The following GRID1 variants were observed in gnomAD, a reference collection of about 807,000 sequenced individuals.
GRID1 encodes the protein glutamate ionotropic receptor delta type subunit 1.
Under a neutral mutation model 98.0 loss-of-function variants are expected in GRID1, and 28 were observed. That is an observed-to-expected ratio of 0.29 (90% confidence interval 0.21 to 0.39). The LOEUF (loss-of-function observed/expected upper bound fraction) is 0.39, where lower values mean the gene tolerates loss of function less well. GRID1 is among the 10% of genes least tolerant of loss of function. The pLI is 1.00. For synonymous variants in GRID1, 553 were observed against 538.5 expected (o/e 1.03, Z -0.37); for missense variants, 1,111 against 1,340.5 (o/e 0.83, Z 2.67).
intron 8 of GRID1, among the ~76,000 whole-genome samples, chr10:85,740,052 T>G (rs1213619682): frequency 6.6e-6 from 1 of 152,192 alleles, no homozygotes; most frequent in Non-Finnish European, 1.5e-5. Context: ...ATTTTGAAAC[T>G]GCAGTGCAAT....
chr10:86,232,520 C>T (rs978168171), intron 2 of GRID1, among the ~76,000 whole-genome samples: 1 of 152,210 alleles, frequency 6.6e-6, no homozygotes, highest in South Asian at 2.1e-4. Flanking sequence ...GAACCTACCC[C>T]CACCACCACC....
intron 3 of GRID1, among the ~76,000 whole-genome samples, chr10:86,151,281 T>G (rs1453932561): frequency 1.3e-5 from 2 of 152,138 alleles, no homozygotes; most frequent in Non-Finnish European, 2.9e-5. Flanking sequence ...GGCACACACA[T>G]TTCCTCTGAG....
intron 2 of GRID1, among the ~76,000 whole-genome samples, chr10:86,354,569 T>A (rs1848508286): frequency 6.6e-6 from 1 of 152,236 alleles, no homozygotes; most frequent in African/African-American, 2.4e-5. Context: ...CAGGCCCATT[T>A]CACAGATGTT....
chr10:85,973,250 C>T (rs1466095279), intron 4 of GRID1, among the ~76,000 whole-genome samples: 1 of 151,632 alleles, frequency 6.6e-6, no homozygotes, highest in Non-Finnish European at 1.5e-5. Flanking sequence ...TATTTTTTGT[C>T]TTTATAAAGA....
chr10:86,119,846 A>G (rs1022655007), intron 4 of GRID1, among the ~76,000 whole-genome samples: 2 of 152,062 alleles, frequency 1.3e-5, no homozygotes, highest in Non-Finnish European at 2.9e-5. Context: ...GCTGGAGTGC[A>G]GTCGCGCCAT....
intron 12 of GRID1, among the ~76,000 whole-genome samples, chr10:85,660,422 A>G (rs1840952212): frequency 6.6e-6 from 1 of 152,228 alleles, no homozygotes; most frequent in African/African-American, 2.4e-5. Context: ...GTTGTTGGAA[A>G]GTACACAGAT....
intron 4 of GRID1, among the ~76,000 whole-genome samples, chr10:86,065,398 C>T (rs964063572): frequency 6.6e-6 from 1 of 152,370 alleles, no homozygotes; most frequent in Middle Eastern, 3.4e-3. Flanking sequence ...CAAGGCCAAT[C>T]TGTGCCCTCT....
chr10:86,136,190 A>G (rs975268289), intron 4 of GRID1, among the ~76,000 whole-genome samples: 2 of 152,212 alleles, frequency 1.3e-5, no homozygotes, highest in Non-Finnish European at 2.9e-5. Context: ...CAGGGACAGC[A>G]TTCCCAGGTG....
intron 3 of GRID1, among the ~76,000 whole-genome samples, chr10:86,151,080 C>T (rs1845162205): frequency 6.6e-6 from 1 of 152,110 alleles, no homozygotes; most frequent in Non-Finnish European, 1.5e-5. Context: ...CCCATGACAC[C>T]CTCATGTCTT....
chr10:85,749,131 C>A (rs1842023745), intron 8 of GRID1, among the ~76,000 whole-genome samples: 1 of 152,188 alleles, frequency 6.6e-6, no homozygotes, highest in African/African-American at 2.4e-5. Context: ...AGGTGACAGG[C>A]AGTTACTATT....
At chr10:85,934,719 G>A (rs1423739225) in intron 4 of GRID1, among the ~76,000 whole-genome samples, 2 of 152,076 alleles carry the variant, frequency 1.3e-5, no homozygotes, top group African/African-American at 2.4e-5. Context: ...GTATGAAAAG[G>A]GCAAGGAGAA....
intron 8 of GRID1, among the ~76,000 whole-genome samples, chr10:85,822,258 G>A (rs1292222916): frequency 2.0e-5 from 3 of 152,148 alleles, no homozygotes; most frequent in South Asian, 4.1e-4. Context: ...GCAACCTACA[G>A]AATGGGAGAA....
chr10:85,864,263 G>A (rs1843193776), intron 6 of GRID1, among the ~76,000 whole-genome samples: 1 of 152,104 alleles, frequency 6.6e-6, no homozygotes, highest in Non-Finnish European at 1.5e-5. Flanking sequence ...CTGCCAAACT[G>A]CTGCCAGTCC....
chr10:85,667,126 G>A (rs753029362), intron 12 of GRID1, among the ~76,000 whole-genome samples: 9 of 152,146 alleles, frequency 5.9e-5, no homozygotes, highest in East Asian at 1.9e-4. Flanking sequence ...TGAAGACCTC[G>A]CTCTCTGCGG....
chr10:85,840,328 C>T (rs1197533179), intron 8 of GRID1, among the ~76,000 whole-genome samples: 2 of 151,538 alleles, frequency 1.3e-5, no homozygotes, highest in African/African-American at 2.4e-5. Context: ...GACCAATATC[C>T]TTGAACCTCA....
chr10:86,305,233 G>A (rs373761743), intron 2 of GRID1, among the ~76,000 whole-genome samples: 3 of 151,982 alleles, frequency 2.0e-5, no homozygotes. Context: ...TTCGCACTTT[G>A]CCAGAGCCTA....
chr10:85,890,526 A>G (rs971630300), intron 5 of GRID1, among the ~76,000 whole-genome samples: 11 of 152,236 alleles, frequency 7.2e-5, no homozygotes, highest in Non-Finnish European at 1.3e-4. Context: ...CATTCACTGT[A>G]TATACCCACA....
intron 4 of GRID1, among the ~76,000 whole-genome samples, chr10:85,959,066 C>T (rs1162263709): frequency 6.6e-6 from 1 of 152,198 alleles, no homozygotes; most frequent in Non-Finnish European, 1.5e-5. Flanking sequence ...TATTTTCCAA[C>T]CTTCAAACTT....
intron 8 of GRID1, among the ~76,000 whole-genome samples, chr10:85,785,725 A>AACTTT (rs1341039311): frequency 2.6e-5 from 4 of 152,138 alleles, no homozygotes; most frequent in Admixed American, 1.3e-4. Flanking sequence ...GTTTACACCC[A>AACTTT]ACTTTACCAC....
Sources: gnomAD v4.1 joint callset for allele counts (sites outside exome capture counted in the v4.1 genomes callset) on GRCh38, gnomAD v4.1.1 for gene constraint, MANE v1.5 for transcripts, NCBI Gene and HGNC (gene_info 2026-07-23, HGNC 2026-07-21) for gene names.